The following PHKB variants were observed in gnomAD, a reference collection of about 807,000 sequenced individuals.
The protein encoded by PHKB is phosphorylase b kinase regulatory subunit beta.
In PHKB, 122 loss-of-function variants were observed where a neutral mutation model predicts 152.1. The ratio of observed to expected loss-of-function variants is 0.80; its 90% CI spans 0.69 to 0.93. The LOEUF is 0.93. Among genes scored for constraint, PHKB ranks in the 40% least tolerant of loss-of-function variants. The pLI is 0.00. For synonymous variants in PHKB, 436 were observed against 464.9 expected, an observed-to-expected ratio of 0.94 and a Z score of 0.80; for missense variants, 1,304 against 1,328.4, an observed-to-expected ratio of 0.98 and a Z score of 0.29.
At chr16:47,672,426 G>A (rs1236311668) in intron 26 of PHKB, among the ~76,000 whole-genome samples, 1 of 152,124 alleles carries the variant, frequency 6.6e-6, no homozygotes, top group Non-Finnish European at 1.5e-5. Context: ...CTCCATCTCT[G>A]TACATGGTAT....
At chr16:47,654,591 G>T (rs1183527840) in intron 20 of PHKB, among the ~76,000 whole-genome samples, 1 of 152,022 alleles carries the variant, frequency 6.6e-6, no homozygotes, top group African/African-American at 2.4e-5. Context: ...AGAAAATGTG[G>T]CACATATACA....
At chr16:47,578,349 C>T (rs779195942) in intron 7 of PHKB, among the ~76,000 whole-genome samples, 21 of 152,036 alleles carry the variant, frequency 1.4e-4, no homozygotes, top group Non-Finnish European at 2.5e-4. Flanking sequence ...GGTTTGAGAT[C>T]TTTCAGTTTC....
chr16:47,676,841 C>A (rs1973740882), intron 26 of PHKB, among the ~76,000 whole-genome samples: 1 of 152,212 alleles, frequency 6.6e-6, no homozygotes, highest in South Asian at 2.1e-4. Context: ...ACTGTAAAGA[C>A]CTCCAATCAA....
At chr16:47,464,445 G>C (rs1969631979) in intron 1 of PHKB, among the ~76,000 whole-genome samples, 2 of 152,140 alleles carry the variant, frequency 1.3e-5, no homozygotes, top group Admixed American at 1.3e-4. Context: ...CTTGCCCCAG[G>C]GAATATTTTG....
intron 27 of PHKB, among the ~76,000 whole-genome samples, chr16:47,692,892 A>G (rs1243978041): frequency 1.3e-5 from 2 of 152,342 alleles, no homozygotes; most frequent in Non-Finnish European, 1.5e-5. Flanking sequence ...TTTATTCTAT[A>G]TAAAATGCTT....
chr16:47,537,113 T>C (rs16945398), intron 6 of PHKB, among the ~76,000 whole-genome samples: 3,098 of 152,326 alleles, frequency 0.02, 106 homozygotes, highest in African/African-American at 0.07. Flanking sequence ...TTCACGAAAC[T>C]TTTTTGATTA....
intron 25 of PHKB, chr16:47,665,938 C>T (rs768482727): frequency 6.2e-7 from 1 of 1,610,764 alleles, no homozygotes; most frequent in Non-Finnish European, 8.5e-7. Flanking sequence ...TTCTTTGCCC[C>T]CAGGTCGGTT....
chr16:47,555,433 C>T (rs1277899483), intron 7 of PHKB, among the ~76,000 whole-genome samples: 3 of 152,166 alleles, frequency 2.0e-5, no homozygotes, highest in African/African-American at 7.2e-5. Flanking sequence ...ATAGATAGAC[C>T]TATCTTTTCC....
At chr16:47,581,771 C>T (rs1380511249) in intron 8 of PHKB, among the ~76,000 whole-genome samples, 1 of 152,160 alleles carries the variant, frequency 6.6e-6, no homozygotes, top group Non-Finnish European at 1.5e-5. Context: ...CCTCCGCCTC[C>T]CGGGTTCAAG....
At chr16:47,683,008 T>C (rs1725945376) in intron 26 of PHKB, among the ~76,000 whole-genome samples, 1 of 152,222 alleles carries the variant, frequency 6.6e-6, no homozygotes, top group Admixed American at 6.5e-5. Context: ...TGCAGGTCTG[T>C]TGGAGTTTGC....
chr16:47,630,001 A>T (rs1463528924), intron 14 of PHKB, among the ~76,000 whole-genome samples: 1 of 150,708 alleles, frequency 6.6e-6, no homozygotes, highest in Non-Finnish European at 1.5e-5. Flanking sequence ...AGGAAGGGGA[A>T]CATCACACTC....
In PHKB at chr16:47,594,148, G is replaced by A. The variant is rs1181578076; in HGVS notation, c.1138G>A (p.Gly380Ser). Reference sequence around the variant, plus strand: ...ATTTTATATTTTAGGAGTTTTTAGAGGCAATCCTAAGCAAGTACAGGAATA... The same window carrying A: ...ATTTTATATTTTAGGAGTTTTTAGAAGCAATCCTAAGCAAGTACAGGAATA... ...LYMMIDGVFR[G>S]NPKQVQEYQD... Residue 380 changes from glycine (G) to serine (S), a missense_variant, in exon 12 of 31, where the codon GGC (glycine) becomes AGC (serine). Gly to Ser is a moderately conservative substitution (Grantham distance 56). Coordinates refer to ENST00000323584, the MANE Select transcript of PHKB (RefSeq NM_000293.3). 1 of 1,537,168 alleles carries A rather than the reference G, an allele frequency of 6.5e-7. No individual in the cohort carries two copies. The highest frequency in any genetic ancestry group is 1.1e-5 in the South Asian group (1 of 89,358).
chr16:47,472,889 C>T (rs946440165), intron 1 of PHKB, among the ~76,000 whole-genome samples: 12 of 151,772 alleles, frequency 7.9e-5, no homozygotes, highest in African/African-American at 2.7e-4. Flanking sequence ...ACAGTGAGGT[C>T]GCACCACTGC....
chr16:47,521,873 C>T (rs949968890), intron 6 of PHKB, among the ~76,000 whole-genome samples: 2 of 151,792 alleles, frequency 1.3e-5, no homozygotes, highest in East Asian at 3.9e-4. Flanking sequence ...GATTGATTTT[C>T]TTATTTTGAA....
chr16:47,543,454 A>T (rs1003410422), intron 6 of PHKB, among the ~76,000 whole-genome samples: 1 of 152,174 alleles, frequency 6.6e-6, no homozygotes, highest in African/African-American at 2.4e-5. Context: ...ATATTGGTCT[A>T]AAATTCTCTT....
chr16:47,481,596 A>T (rs895316285), intron 1 of PHKB, among the ~76,000 whole-genome samples: 1 of 152,232 alleles, frequency 6.6e-6, no homozygotes, highest in Non-Finnish European at 1.5e-5. Flanking sequence ...TCCAGAAACC[A>T]TTGGTTTCCC....
At chr16:47,697,130 A>G (rs1974162158) in intron 29 of PHKB, among the ~76,000 whole-genome samples, 1 of 152,206 alleles carries the variant, frequency 6.6e-6, no homozygotes, top group African/African-American at 2.4e-5. Flanking sequence ...TGAGTTTAAT[A>G]TTTAGCTTAT....
chr16:47,604,545 C>T (rs1972290470), intron 13 of PHKB, among the ~76,000 whole-genome samples: 2 of 152,164 alleles, frequency 1.3e-5, no homozygotes, highest in African/African-American at 4.8e-5. Context: ...TGTGTCACCA[C>T]AGCTGAGAAT....
At chr16:47,575,692 T>C (rs1971737515) in intron 7 of PHKB, among the ~76,000 whole-genome samples, 1 of 152,130 alleles carries the variant, frequency 6.6e-6, no homozygotes, top group Non-Finnish European at 1.5e-5. Context: ...TGATAGACAT[T>C]GGAGCCTGGA....
Sources: allele counts gnomAD v4.1 joint callset (sites outside exome capture counted in the v4.1 genomes callset), GRCh38; gene constraint gnomAD v4.1.1; transcripts MANE v1.5; gene names NCBI Gene and HGNC (gene_info 2026-07-23, HGNC 2026-07-21).